Variants in ABR observed in about 807,000 individuals in gnomAD.
The protein encoded by ABR is active breakpoint cluster region-related protein.
ABR carries 35 observed loss-of-function variants against 107.2 expected under a neutral mutation model. That is an observed-to-expected ratio of 0.33 (90% CI 0.25 to 0.43). The LOEUF (loss-of-function observed/expected upper bound fraction) is 0.43, where lower values mean the gene tolerates loss of function less well. Among genes scored for constraint, ABR ranks in the 20% least tolerant of loss-of-function variants. The pLI is 1.00. For synonymous variants in ABR, 498 were observed against 462.0 expected (o/e 1.08, Z -1.00); for missense variants, 815 against 1,115.2 (o/e 0.73, Z 3.83).
rs947843944 is a variant in ABR, at chr17:1,009,736, C to T, written c.2285G>A (p.Arg762His). The T allele has an allele frequency of 3.1e-6, 5 of 1,614,116 alleles. No individual in the cohort carries two copies. The highest frequency in any genetic ancestry group is 1.1e-5 in the South Asian group (1 of 91,084). The stretch of plus-strand genomic sequence containing the variant: ...GATGAGGTTGGGGTCGGGCAGGGAG[C>T]GGAGCAGGTGCATCATGCAGTTTTC... ...AKENCMMHLL[R>H]SLPDPNLITF... Residue 762 changes from arginine to histidine, a missense_variant, in exon 21 of 23, where the codon CGC becomes CAC. Arg to His is a conservative substitution (Grantham distance 29, BLOSUM62 0). Coordinates refer to ENST00000302538, the MANE Select transcript of ABR (RefSeq NM_021962.5).
intron 1 of ABR, among the ~76,000 whole-genome samples, chr17:1,172,320 G>C (rs9911878): frequency 0.85 from 128,737 of 152,230 alleles, 55,465 homozygotes; most frequent in Non-Finnish European, 0.94. Context: ...CTGCCTATTG[G>C]CCTGATTTCT....
intron 2 of ABR, among the ~76,000 whole-genome samples, chr17:1,113,715 C>A (rs1348939559): frequency 6.6e-6 from 1 of 152,198 alleles, no homozygotes; most frequent in African/African-American, 2.4e-5. Context: ...AATCGTGGCA[C>A]TTCTATTTTA....
At chr17:1,044,012 A>G (rs1031847206) in intron 16 of ABR, among the ~76,000 whole-genome samples, 7 of 152,228 alleles carry the variant, frequency 4.6e-5, no homozygotes, top group African/African-American at 1.7e-4. Flanking sequence ...TGGGGCCCCA[A>G]GGGAAAGCGC....
In ABR at chr17:1,169,975, T is replaced by G. The variant is rs181807754; in HGVS notation, c.61+9692A>C. On this transcript the variant is annotated intron_variant, in intron 1 of 22. Transcript: ENST00000302538. Reference sequence around the variant, plus strand: ...CTGTGTTTGTGTTTGTATGGGGGGGTGTGTTTGTGTTTGTGTTTGTGTGTG... The same window carrying G: ...CTGTGTTTGTGTTTGTATGGGGGGGGGTGTTTGTGTTTGTGTTTGTGTGTG... 7.3e-3 allele frequency among the ~76,000 whole-genome samples: 973 copies of G among 132,672 alleles called. 11 individuals are homozygous for G. The highest frequency in any genetic ancestry group is 0.023 in the Middle Eastern group (6 of 262). The allele number at this position is 132,672 out of a possible 152,430, so 87.0% of individuals were successfully genotyped here.
chr17:1,004,997 C>G lies in ABR; in HGVS notation c.*1083G>C. ...GCCTGGACACCTGCTTCGGCCACAT[C>G]AGTCACCCTCCAGGAAGCCTGGCCC... On this transcript the variant is annotated 3_prime_UTR_variant, in exon 23 of 23. Coordinates refer to ENST00000302538, the MANE Select transcript of ABR (RefSeq NM_021962.5). 1 of 399,052 alleles carries G rather than the reference C, an allele frequency of 2.5e-6. No homozygotes were observed. Among genetic ancestry groups the G allele is most frequent in the South Asian group, 1.3e-4 (1 of 7,856 alleles). 24.7% of individuals were successfully genotyped at this position (399,052 alleles called of 1,614,324 possible). A position where few individuals can be genotyped will look rare whatever the true frequency, so the allele number is the denominator to read the frequency against.
intron 21 of ABR, among the ~76,000 whole-genome samples, chr17:1,009,282 CCACCCCCCACTGCA>C: frequency 8.2e-6 from 1 of 121,826 alleles, no homozygotes; most frequent in African/African-American, 3.5e-5. Context: ...CCACTGCTGT[CCACCCCCCACTGCA>C]TCTAGAAATG....
intron 1 of ABR, among the ~76,000 whole-genome samples, chr17:1,149,050 T>C (rs76644889): frequency 0.23 from 33,561 of 143,308 alleles, 4,697 homozygotes; most frequent in African/African-American, 0.36. Context: ...GACAGGTGCC[T>C]GCCACCATGC....
At chr17:1,096,984 C>T (rs553280593) in intron 3 of ABR, among the ~76,000 whole-genome samples, 6 of 150,578 alleles carry the variant, frequency 4.0e-5, no homozygotes, top group African/African-American at 7.3e-5. Context: ...GAACCTGCCC[C>T]GGGAGGAGAC....
intron 1 of ABR, among the ~76,000 whole-genome samples, chr17:1,175,367 G>C (rs538157360): frequency 6.6e-6 from 1 of 152,126 alleles, no homozygotes; most frequent in Non-Finnish European, 1.5e-5. Context: ...AGCCGAGATC[G>C]CACCGCCGCA....
Position 1,210,163 on chromosome 17 carries a change from C to G in ABR, c.838+18630G>C, listed in dbSNP as rs2042874267. On this transcript the variant is annotated intron_variant, in intron 1 of 22. Coordinates refer to the ABR transcript ENST00000574139. This position sits in a 1 kb window ranked among gnomAD's most constrained non-coding sequence, Gnocchi z 5.6. ...GTAACAGAATCTAGAGAGGCGGAAG[C>G]TCAGCCCAGCTGTGTTGGTACTGTG... 6.6e-6 allele frequency among the ~76,000 whole-genome samples: 1 copy of G among 152,222 alleles called. No homozygotes were observed. Among genetic ancestry groups the G allele is most frequent in the Admixed American group, 6.5e-5 (1 of 15,276 alleles).
intron 16 of ABR, among the ~76,000 whole-genome samples, chr17:1,026,976 G>A (rs1337991675): frequency 6.6e-6 from 1 of 151,056 alleles, no homozygotes; most frequent in Non-Finnish European, 1.5e-5. Context: ...GCAGGCTTGG[G>A]GGCTCCTTCC....
chr17:1,060,625 C>T (rs913394102), intron 10 of ABR, among the ~76,000 whole-genome samples: 4 of 151,994 alleles, frequency 2.6e-5, no homozygotes, highest in Admixed American at 6.6e-5. Context: ...GCTGGTACTA[C>T]GAGCATTTCT....
In ABR at chr17:1,050,627, G is replaced by A. The variant is rs751282171; in HGVS notation, c.1569C>T (p.Tyr523=). ...CGAAGGAATCCACCTCCAGGGTACA[G>A]TACAGGTCTGTGGGGGAAGGACAGA... ...AKGFKQSANL[Y]CTLEVDSFGY... Residue 523 remains tyrosine, a synonymous_variant, in exon 15 of 23, where the codon TAC becomes TAT. Coordinates refer to ENST00000302538, the MANE Select transcript of ABR (RefSeq NM_021962.5). This position sits in a 1 kb window ranked among gnomAD's most constrained non-coding sequence, Gnocchi z 4.6. The A allele has an allele frequency of 2.5e-6, 4 of 1,613,764 alleles. No individual in the cohort carries two copies. The South Asian group carries it at 4.4e-5, about 18-fold the overall frequency.
intron 2 of ABR, among the ~76,000 whole-genome samples, chr17:1,105,547 A>T (rs991900670): frequency 2.6e-5 from 4 of 152,130 alleles, no homozygotes. Context: ...GTGAAACAGA[A>T]ATAGAGATGT....
At chr17:1,067,498 T>C (rs1229573057) in intron 9 of ABR, among the ~76,000 whole-genome samples, 1 of 152,246 alleles carries the variant, frequency 6.6e-6, no homozygotes, top group African/African-American at 2.4e-5. Flanking sequence ...AGATGACTCA[T>C]GTTGTCAAAC....
rs748860066 is a variant in ABR at position 1,037,806 on chromosome 17, C to A, written c.1791+12244G>T. ...TTCATTCTGGATTCCCGAACACCTC[C>A]CTTCCACCCAAGCTCCGAGCTCATG... On this transcript the variant is annotated intron_variant, in intron 16 of 22. Coordinates refer to ENST00000302538, the MANE Select transcript of ABR (RefSeq NM_021962.5). The surrounding 1 kb of genome is among the most constrained non-coding windows in gnomAD (Gnocchi z 4.6). Among the ~76,000 whole-genome samples the A allele has an allele frequency of 6.6e-6, 1 of 152,082 alleles. No homozygotes were observed. Among genetic ancestry groups the A allele is most frequent in the Admixed American group, 6.5e-5 (1 of 15,270 alleles).
chr17:1,062,635 G>C (rs1382912876), intron 10 of ABR, among the ~76,000 whole-genome samples: 1 of 144,358 alleles, frequency 6.9e-6, no homozygotes, highest in African/African-American at 2.5e-5. Flanking sequence ...TGTGAACTGA[G>C]GGCTATGCAT....
In ABR at chr17:1,056,091, A is replaced by C. The variant is rs1478009092; in HGVS notation, c.1505T>G (p.Leu502Arg). ...GACGATGACATGAAGGAAGCCATAG[A>C]GTCCTGGAGACTCATCGTCTGCAAG... ...SNKDDDESPGLYGFLHVIVHS... is the reference protein window; with the variant it reads ...SNKDDDESPGRYGFLHVIVHS... The change falls in exon 14 of 23, where the codon CTC becomes CGC. Residue 502 changes from leucine (L) to arginine (R), a missense_variant. Coordinates refer to ENST00000302538, the MANE Select transcript of ABR (RefSeq NM_021962.5). 1.9e-6 allele frequency: 3 copies of C among 1,614,072 alleles called. No homozygotes were observed. The highest frequency in any genetic ancestry group is 2.5e-6 in the Non-Finnish European group (3 of 1,180,022).
At chr17:1,054,048 G>A (rs77254620) in intron 14 of ABR, among the ~76,000 whole-genome samples, 3,623 of 152,274 alleles carry the variant, frequency 0.024, 143 homozygotes, top group African/African-American at 0.081. Flanking sequence ...CTCTGGTGCC[G>A]GAAGACGTGG....
Sources: allele counts gnomAD v4.1 joint callset (sites outside exome capture counted in the v4.1 genomes callset), GRCh38; gene constraint gnomAD v4.1.1; non-coding constraint Gnocchi (gnomAD v3.1); transcripts MANE v1.5; gene names NCBI Gene and HGNC (gene_info 2026-07-23, HGNC 2026-07-21).